MLLT3: variants seen among roughly 807,000 people sequenced by gnomAD.
MLLT3 encodes the protein MLLT3 super elongation complex subunit.
In MLLT3, 4 loss-of-function variants were observed where a neutral mutation model predicts 53.2. The ratio of observed to expected loss-of-function variants is 0.08; its 90% confidence interval spans 0.04 to 0.17. The LOEUF (loss-of-function observed/expected upper bound fraction) is 0.17, where lower values mean the gene tolerates loss of function less well. Ranked by LOEUF, MLLT3 falls within the 10% of genes least tolerant of loss-of-function variation. The pLI is 1.00. For missense variants in MLLT3, 569 were observed against 684.0 expected (o/e 0.83, Z 1.87); for synonymous variants, 283 against 230.6 (o/e 1.23, Z -2.06).
At chr9:20,450,085 T>A (rs906465318) in intron 3 of MLLT3, among the ~76,000 whole-genome samples, 2 of 152,210 alleles carry the variant, frequency 1.3e-5, no homozygotes, top group Non-Finnish European at 2.9e-5. Context: ...GTGTCTTTTG[T>A]CCTATCCTCT....
intron 5 of MLLT3, among the ~76,000 whole-genome samples, chr9:20,386,991 G>T (rs1426773046): frequency 6.6e-6 from 1 of 152,156 alleles, no homozygotes; most frequent in African/African-American, 2.4e-5. Context: ...TTGTGTGTAA[G>T]TTATCTAAAT....
chr9:20,558,237 A>G (rs1819112078), intron 2 of MLLT3, among the ~76,000 whole-genome samples: 1 of 152,232 alleles, frequency 6.6e-6, no homozygotes. Flanking sequence ...TCTTTTTAAC[A>G]AATGATTTGC....
At chr9:20,354,171 C>G (rs144921154) in intron 9 of MLLT3, among the ~76,000 whole-genome samples, 1 of 152,062 alleles carries the variant, frequency 6.6e-6, no homozygotes, top group Admixed American at 6.5e-5. Context: ...GAATGTATTA[C>G]GAAAAACAGG....
chr9:20,368,349 G>C (rs1301907069), intron 5 of MLLT3, among the ~76,000 whole-genome samples: 1 of 152,154 alleles, frequency 6.6e-6, no homozygotes, highest in African/African-American at 2.4e-5. Context: ...CATGAAAAGT[G>C]CCTGCAAATG....
chr9:20,442,032 T>C (rs1046551673), intron 4 of MLLT3, among the ~76,000 whole-genome samples: 1 of 152,186 alleles, frequency 6.6e-6, no homozygotes, highest in African/African-American at 2.4e-5. Context: ...AGAGTACCCA[T>C]AAATTTAAGT....
At chr9:20,536,488 A>T (rs1180253098) in intron 2 of MLLT3, among the ~76,000 whole-genome samples, 2 of 152,238 alleles carry the variant, frequency 1.3e-5, no homozygotes, top group African/African-American at 4.8e-5. Flanking sequence ...AGCACGCCAT[A>T]AAAACCAATA....
At chr9:20,363,249 G>T in intron 7 of MLLT3, 1 of 460,832 alleles carries the variant, frequency 2.2e-6, no homozygotes, top group Non-Finnish European at 3.8e-6. Flanking sequence ...CATCTAATGT[G>T]ACTTTTTCCT....
intron 2 of MLLT3, among the ~76,000 whole-genome samples, chr9:20,596,871 G>C (rs1282756444): frequency 6.6e-6 from 1 of 152,106 alleles, no homozygotes; most frequent in East Asian, 1.9e-4. Context: ...GTAACCTGAA[G>C]CAATTTGGGG....
intron 5 of MLLT3, among the ~76,000 whole-genome samples, chr9:20,406,374 A>G (rs1475289048): frequency 6.6e-6 from 1 of 152,226 alleles, no homozygotes; most frequent in Non-Finnish European, 1.5e-5. Context: ...GTGACCGTAC[A>G]TAGGAAGTAC....
intron 5 of MLLT3, among the ~76,000 whole-genome samples, chr9:20,367,507 GT>G (rs1563938980): frequency 6.6e-6 from 1 of 152,140 alleles, no homozygotes; most frequent in South Asian, 2.1e-4. Flanking sequence ...TTCTGCCACA[GT>G]TTTTTTGAAA....
intron 2 of MLLT3, among the ~76,000 whole-genome samples, chr9:20,545,096 CAAAAAAAAAAAA>C (rs60850984): frequency 4.2e-5 from 2 of 48,074 alleles, no homozygotes; most frequent in Non-Finnish European, 7.5e-5. Context: ...CCTATCTCTA[CAAAAAAAAAAAA>C]AAAAAAAAAA....
chr9:20,383,756 G>C (rs1033375123), intron 5 of MLLT3, among the ~76,000 whole-genome samples: 1 of 151,842 alleles, frequency 6.6e-6, no homozygotes, highest in Non-Finnish European at 1.5e-5. Context: ...AAGAAATAAG[G>C]TAACTTCCTT....
chr9:20,582,743 AT>A (rs1819828788), intron 2 of MLLT3, among the ~76,000 whole-genome samples: 1 of 152,186 alleles, frequency 6.6e-6, no homozygotes. Context: ...AACCCATCAG[AT>A]CTTGTGAGAC....
intron 8 of MLLT3, among the ~76,000 whole-genome samples, chr9:20,355,117 A>C (rs2518680): frequency 2.0e-5 from 3 of 151,056 alleles, no homozygotes; most frequent in African/African-American, 4.8e-5. Context: ...AAAAAAAAAA[A>C]CAACACAGTT....
chr9:20,343,700 A>G lies in MLLT3; in HGVS notation c.*2743T>C, dbSNP rs1459349281. Reference sequence around the variant, plus strand: ...TTCAAACCATATTCACATTTACCCAATTAATTTTATTTGAAACATCTATTT... The same window carrying G: ...TTCAAACCATATTCACATTTACCCAGTTAATTTTATTTGAAACATCTATTT... On this transcript the variant is annotated 3_prime_UTR_variant, in exon 11 of 11. Coordinates refer to ENST00000380338, the MANE Select transcript of MLLT3 (RefSeq NM_004529.4). 1 of 221,656 alleles carries G rather than the reference A, an allele frequency of 4.5e-6. No individual in the cohort carries two copies. Among genetic ancestry groups the G allele is most frequent in the Non-Finnish European group, 9.0e-6 (1 of 110,878 alleles). 13.7% of individuals were successfully genotyped at this position (221,656 alleles called of 1,614,324 possible).
At chr9:20,592,918 C>G (rs1393433575) in intron 2 of MLLT3, among the ~76,000 whole-genome samples, 1 of 152,124 alleles carries the variant, frequency 6.6e-6, no homozygotes, top group African/African-American at 2.4e-5. Context: ...CTTTCTCATC[C>G]ATCCCCACTG....
intron 2 of MLLT3, among the ~76,000 whole-genome samples, chr9:20,538,361 T>G (rs115509565): frequency 0.011 from 1,695 of 152,274 alleles, 28 homozygotes; most frequent in African/African-American, 0.036. Flanking sequence ...AATTTATAAG[T>G]AAGTAAGTAA....
At chr9:20,408,603 G>T (rs1271111889) in intron 5 of MLLT3, among the ~76,000 whole-genome samples, 1 of 152,174 alleles carries the variant, frequency 6.6e-6, no homozygotes, top group Non-Finnish European at 1.5e-5. Flanking sequence ...AGCCAGGGCA[G>T]CCCTTTAATG....
Position 20,516,613 on chromosome 9 carries a change from T to C in MLLT3, c.194-59827A>G, listed in dbSNP as rs1263828469. Among the ~76,000 whole-genome samples, 5 of 152,240 alleles carry C rather than the reference T, an allele frequency of 3.3e-5. No individual in the cohort carries two copies. In the East Asian group the frequency reaches 9.6e-4, roughly 29 times the overall value. Reference sequence around the variant, plus strand: ...TATTTCTTTTTTATATCAAAGCTTATTAGAATGCTCTATCATCTATGGAGT... The same window carrying C: ...TATTTCTTTTTTATATCAAAGCTTACTAGAATGCTCTATCATCTATGGAGT... On this transcript the variant is annotated intron_variant, in intron 2 of 10. Coordinates refer to ENST00000380338, the MANE Select transcript of MLLT3 (RefSeq NM_004529.4).
Sources: gnomAD v4.1 joint callset for allele counts (sites outside exome capture counted in the v4.1 genomes callset) on GRCh38, gnomAD v4.1.1 for gene constraint, MANE v1.5 for transcripts, NCBI Gene and HGNC (gene_info 2026-07-23, HGNC 2026-07-21) for gene names.